The following KIF26B variants were observed in gnomAD, a reference collection of about 807,000 sequenced individuals.
KIF26B encodes kinesin-like protein KIF26B.
In KIF26B, 63 loss-of-function variants were observed where a neutral mutation model predicts 151.2. The ratio of observed to expected loss-of-function variants is 0.42; its 90% CI spans 0.34 to 0.51. The LOEUF (loss-of-function observed/expected upper bound fraction) is 0.51, where lower values mean the gene tolerates loss of function less well. Among genes scored for constraint, KIF26B ranks in the 20% least tolerant of loss-of-function variants. The pLI, the probability that KIF26B is intolerant of heterozygous loss-of-function variation, is 0.07. For missense variants in KIF26B, 2,813 were observed against 2,913.6 expected, an observed-to-expected ratio of 0.97 and a Z score of 0.79; for synonymous variants, 1,357 against 1,262.1, an observed-to-expected ratio of 1.08 and a Z score of -1.59.
chr1:245,182,938 A>G (rs1392410436), intron 2 of KIF26B, among the ~76,000 whole-genome samples: 1 of 152,160 alleles, frequency 6.6e-6, no homozygotes, highest in Non-Finnish European at 1.5e-5. Context: ...GCCCGGCCCC[A>G]TTGAGAAACT....
At position 245,646,071 on chromosome 1, in the gene KIF26B, G is replaced by A. The variant is rs190757556; in HGVS notation, c.2099-50G>A. 7,152 of 1,585,634 alleles carry A rather than the reference G, an allele frequency of 4.5e-3. 32 individuals carry two copies. The highest frequency in any genetic ancestry group is 4.9e-3 in the Non-Finnish European group (5,739 of 1,161,260). The stretch of plus-strand genomic sequence containing the variant: ...AAGGAGCTACATGAAGAACAGATGA[G>A]TGTTTGTCAGAACTTAACCATTTCT... On this transcript the variant is annotated intron_variant, in intron 9 of 14. Coordinates refer to ENST00000407071, the MANE Select transcript of KIF26B (RefSeq NM_018012.4).
chr1:245,460,399 C>T (rs912108239), intron 4 of KIF26B, among the ~76,000 whole-genome samples: 2 of 152,134 alleles, frequency 1.3e-5, no homozygotes, highest in Non-Finnish European at 1.5e-5. Flanking sequence ...AGCCTGGAGT[C>T]CCCTGTTTTG....
chr1:245,423,996 G>A (rs1658563244), intron 4 of KIF26B, among the ~76,000 whole-genome samples: 2 of 151,648 alleles, frequency 1.3e-5, no homozygotes, highest in African/African-American at 2.4e-5. Context: ...GCACCACTGT[G>A]CCCAGCTAAT....
At chr1:245,517,912 G>A (rs531280460) in intron 4 of KIF26B, among the ~76,000 whole-genome samples, 13 of 144,450 alleles carry the variant, frequency 9.0e-5, no homozygotes, top group East Asian at 4.0e-4. Flanking sequence ...TCACTCTATC[G>A]CGCAGGCCGG....
chr1:245,623,677 T>G (rs907134770), intron 9 of KIF26B, among the ~76,000 whole-genome samples: 13 of 152,340 alleles, frequency 8.5e-5, no homozygotes, highest in African/African-American at 2.6e-4. Flanking sequence ...GAAAAACTTT[T>G]TGTGTACAAA....
At chr1:245,642,715 G>C (rs938409128) in intron 9 of KIF26B, among the ~76,000 whole-genome samples, 1 of 152,050 alleles carries the variant, frequency 6.6e-6, no homozygotes, top group African/African-American at 2.4e-5. Context: ...GCCCTCATAA[G>C]ATCTGCTGTG....
intron 3 of KIF26B, among the ~76,000 whole-genome samples, chr1:245,407,956 T>A (rs60926639): frequency 0.23 from 34,865 of 151,718 alleles, 6,208 homozygotes; most frequent in African/African-American, 0.5. Context: ...GCGCTGATCA[T>A]TCAGTGCGGG....
At chr1:245,573,374 T>G (rs919830335) in intron 5 of KIF26B, among the ~76,000 whole-genome samples, 1 of 151,936 alleles carries the variant, frequency 6.6e-6, no homozygotes, top group African/African-American at 2.4e-5. Context: ...ATACAAAAAA[T>G]TAGCCGGGCG....
In KIF26B at chr1:245,170,782, A is replaced by G. The variant is rs1334514656; in HGVS notation, c.465+14099A>G. Among the ~76,000 whole-genome samples, 1 of 152,182 alleles carries G rather than the reference A, an allele frequency of 6.6e-6. No homozygotes were observed. Among genetic ancestry groups the G allele is most frequent in the Non-Finnish European group, 1.5e-5 (1 of 68,026 alleles). ...TCCCAAAGGCCCACCTCCTACTACCATCACTTTGGGGGTTAGGTTTCAACA... is the reference window on the plus strand; with the variant it reads ...TCCCAAAGGCCCACCTCCTACTACCGTCACTTTGGGGGTTAGGTTTCAACA... On this transcript the variant is annotated intron_variant, in intron 2 of 14. Coordinates refer to ENST00000407071, the MANE Select transcript of KIF26B (RefSeq NM_018012.4). The surrounding 1 kb of genome is among the most constrained non-coding windows in gnomAD (Gnocchi z 4.4).
intron 2 of KIF26B, among the ~76,000 whole-genome samples, chr1:245,330,172 T>C (rs1369867417): frequency 6.6e-6 from 1 of 151,366 alleles, no homozygotes; most frequent in Non-Finnish European, 1.5e-5. Flanking sequence ...CATGTAGAAT[T>C]GTCTGCTTTT....
At chr1:245,232,966 C>A (rs2103555984) in intron 2 of KIF26B, among the ~76,000 whole-genome samples, 1 of 152,338 alleles carries the variant, frequency 6.6e-6, no homozygotes, top group East Asian at 1.9e-4. Context: ...GCACACGAGG[C>A]AGCCATTACT....
At chr1:245,678,162 C>T (rs557209431) in intron 10 of KIF26B, among the ~76,000 whole-genome samples, 29 of 152,024 alleles carry the variant, frequency 1.9e-4, no homozygotes, top group East Asian at 9.7e-4. Flanking sequence ...GAACAGTCAG[C>T]GTGTATTTCA....
At chr1:245,596,744 C>G (rs1361365279) in intron 5 of KIF26B, among the ~76,000 whole-genome samples, 1 of 152,114 alleles carries the variant, frequency 6.6e-6, no homozygotes, top group East Asian at 1.9e-4. Context: ...GTTAAAGTCT[C>G]CCACTATTAT....
At chr1:245,503,145 C>T (rs977036549) in intron 4 of KIF26B, among the ~76,000 whole-genome samples, 5 of 152,120 alleles carry the variant, frequency 3.3e-5, no homozygotes, top group Admixed American at 2.6e-4. Context: ...CAGCGTGAGC[C>T]ACCGCACCCG....
chr1:245,328,963 C>G (rs1672047302), intron 2 of KIF26B, among the ~76,000 whole-genome samples: 2 of 152,156 alleles, frequency 1.3e-5, no homozygotes, highest in African/African-American at 2.4e-5. Flanking sequence ...ATATTATAAT[C>G]TATTAGAGGG....
At chr1:245,650,089 AG>A (rs1302359864) in intron 10 of KIF26B, among the ~76,000 whole-genome samples, 2 of 152,194 alleles carry the variant, frequency 1.3e-5, no homozygotes, top group African/African-American at 4.8e-5. Context: ...GGCACCATTC[AG>A]AAAAGCATGC....
intron 4 of KIF26B, among the ~76,000 whole-genome samples, chr1:245,455,272 G>A (rs1169332771): frequency 6.6e-6 from 1 of 152,170 alleles, no homozygotes; most frequent in Admixed American, 6.5e-5. Context: ...TTGGGAGGCT[G>A]AGGCGGGCAG....
rs1429935739 is a variant in KIF26B, at chr1:245,170,627, T to C, written c.465+13944T>C. On this transcript the variant is annotated intron_variant, in intron 2 of 14. Coordinates refer to ENST00000407071, the MANE Select transcript of KIF26B (RefSeq NM_018012.4). This position sits in a 1 kb window ranked among gnomAD's most constrained non-coding sequence, Gnocchi z 4.4. ...GATTGAGTGTCTTGTGAGGTCTGCT[T>C]TTTGATTCATAGATGGCACTGTCTT... 1.3e-5 allele frequency among the ~76,000 whole-genome samples: 2 copies of C among 152,138 alleles called. No homozygotes were observed. Among genetic ancestry groups the C allele is most frequent in the Non-Finnish European group, 2.9e-5 (2 of 68,022 alleles).
intron 2 of KIF26B, among the ~76,000 whole-genome samples, chr1:245,329,794 AAAG>A (rs1672063972): frequency 6.6e-6 from 1 of 152,178 alleles, no homozygotes; most frequent in Non-Finnish European, 1.5e-5. Context: ...TAAGACCAAA[AAAG>A]GTGTTTAAAA....
Sources: allele counts gnomAD v4.1 joint callset (sites outside exome capture counted in the v4.1 genomes callset), GRCh38; gene constraint gnomAD v4.1.1; non-coding constraint Gnocchi (gnomAD v3.1); transcripts MANE v1.5; gene names NCBI Gene and HGNC (gene_info 2026-07-23, HGNC 2026-07-21).